The following MYO16 variants were observed in gnomAD, a reference collection of about 807,000 sequenced individuals.
MYO16 encodes the protein unconventional myosin-XVI.
A neutral mutation model predicts 205.3 loss-of-function variants in MYO16; 94 were observed. The observed-to-expected ratio is 0.46, with a 90% CI of 0.39 to 0.54. MYO16 has a LOEUF of 0.54. Among genes scored for constraint, MYO16 ranks in the 20% least tolerant of loss-of-function variants. MYO16 has a pLI of 0.00. For missense variants in MYO16, 2,315 were observed against 2,387.5 expected, an observed-to-expected ratio of 0.97 and a Z score of 0.63; for synonymous variants, 988 against 954.0, an observed-to-expected ratio of 1.04 and a Z score of -0.66.
chr13:108,605,854 G>T (rs1878938688), intron 1 of MYO16, among the ~76,000 whole-genome samples: 1 of 152,196 alleles, frequency 6.6e-6, no homozygotes, highest in Admixed American at 6.5e-5. Flanking sequence ...GGTTGAAACA[G>T]TTGTGAGGGC....
chr13:109,088,252 G>C (rs1040979657), intron 27 of MYO16, among the ~76,000 whole-genome samples: 2 of 152,200 alleles, frequency 1.3e-5, no homozygotes, highest in African/African-American at 2.4e-5. Context: ...GGGCTGTATG[G>C]GAAGCAAGTA....
intron 1 of MYO16, among the ~76,000 whole-genome samples, chr13:108,621,771 A>G (rs1215098853): frequency 6.6e-6 from 1 of 152,098 alleles, no homozygotes; most frequent in Non-Finnish European, 1.5e-5. Flanking sequence ...ATCTCACATC[A>G]TCACAAGAAG....
At chr13:108,675,466 A>G (rs1434626860) in intron 2 of MYO16, among the ~76,000 whole-genome samples, 2 of 152,244 alleles carry the variant, frequency 1.3e-5, no homozygotes, top group African/African-American at 2.4e-5. Flanking sequence ...GTATGGCTTA[A>G]TATTTCATGA....
the MYO16 span, among the ~76,000 whole-genome samples, chr13:108,526,004 G>A: frequency 1.3e-5 from 2 of 150,514 alleles, no homozygotes; most frequent in African/African-American, 4.9e-5. Context: ...GCTGGTGAAT[G>A]CAGAATTAAT....
At chr13:108,559,474 T>TTC in the MYO16 span, among the ~76,000 whole-genome samples, 1 of 131,772 alleles carries the variant, frequency 7.6e-6, no homozygotes, top group Non-Finnish European at 1.6e-5. Flanking sequence ...TCTTTTCTTT[T>TTC]TTTTTTTTTT....
At chr13:108,708,294 C>A (rs1883591729) in intron 2 of MYO16, among the ~76,000 whole-genome samples, 1 of 152,152 alleles carries the variant, frequency 6.6e-6, no homozygotes, top group Admixed American at 6.5e-5. Flanking sequence ...AGATAAGATA[C>A]AATTTTCAAA....
intron 6 of MYO16, among the ~76,000 whole-genome samples, chr13:108,797,350 A>G (rs1254492378): frequency 1.3e-5 from 2 of 152,232 alleles, no homozygotes; most frequent in African/African-American, 4.8e-5. Flanking sequence ...TGATGTTGAA[A>G]GCTTTGATAC....
chr13:108,882,263 G>A (rs775702154), intron 12 of MYO16, among the ~76,000 whole-genome samples: 6 of 152,138 alleles, frequency 3.9e-5, no homozygotes, highest in South Asian at 2.1e-4. Context: ...AAGAGACCTC[G>A]TTCAGGATTT....
chr13:108,634,567 C>T (rs972497950), intron 1 of MYO16, among the ~76,000 whole-genome samples: 1 of 152,192 alleles, frequency 6.6e-6, no homozygotes, highest in Non-Finnish European at 1.5e-5. Flanking sequence ...ATGCCCGTGG[C>T]CTTCGACCCT....
At chr13:108,603,881 A>G (rs1372883906) in intron 1 of MYO16, among the ~76,000 whole-genome samples, 1 of 152,192 alleles carries the variant, frequency 6.6e-6, no homozygotes, top group Non-Finnish European at 1.5e-5. Flanking sequence ...CAATAAATAT[A>G]TTGAGTGCCT....
chr13:109,080,214 GATA>G (rs1486610038), intron 27 of MYO16, among the ~76,000 whole-genome samples: 5 of 152,030 alleles, frequency 3.3e-5, no homozygotes, highest in African/African-American at 1.2e-4. Context: ...TGATAATGTG[GATA>G]ATATTTTTCT....
intron 1 of MYO16, among the ~76,000 whole-genome samples, chr13:108,658,585 G>C (rs1881349065): frequency 6.6e-6 from 1 of 152,094 alleles, no homozygotes; most frequent in Admixed American, 6.6e-5. Context: ...AATTGTGATG[G>C]ATCTCCTTTC....
chr13:108,991,464 A>G (rs769201925), intron 20 of MYO16, among the ~76,000 whole-genome samples: 5 of 152,250 alleles, frequency 3.3e-5, no homozygotes, highest in Non-Finnish European at 7.3e-5. Context: ...GAACTTTTAA[A>G]GTGACTAAAT....
intron 17 of MYO16, among the ~76,000 whole-genome samples, chr13:108,958,606 G>T (rs1883469949): frequency 6.6e-6 from 1 of 152,182 alleles, no homozygotes; most frequent in South Asian, 2.1e-4. Flanking sequence ...CTGGATGCTT[G>T]AAGTGTGGCT....
At chr13:109,099,753 C>T (rs1594085209) in intron 27 of MYO16, among the ~76,000 whole-genome samples, 2 of 152,174 alleles carry the variant, frequency 1.3e-5, no homozygotes, top group Admixed American at 1.3e-4. Flanking sequence ...GTCCATGAGA[C>T]ATGTCCCATA....
intron 6 of MYO16, among the ~76,000 whole-genome samples, chr13:108,801,641 G>A (rs1242167805): frequency 6.6e-6 from 1 of 152,120 alleles, no homozygotes; most frequent in Non-Finnish European, 1.5e-5. Context: ...TGATGAAGAG[G>A]CCAGATAGAC....
At chr13:108,556,145 T>C in the MYO16 span, among the ~76,000 whole-genome samples, 3 of 152,208 alleles carry the variant, frequency 2.0e-5, no homozygotes, top group Non-Finnish European at 4.4e-5. Context: ...TTATTTCCTT[T>C]GGATATATAT....
intron 32 of MYO16, among the ~76,000 whole-genome samples, chr13:109,158,449 T>G (rs1878186526): frequency 6.6e-6 from 1 of 152,212 alleles, no homozygotes; most frequent in African/African-American, 2.4e-5. Flanking sequence ...TGATGTTAAC[T>G]TATTCATACC....
Position 108,608,871 on chromosome 13 carries a change from C to T in MYO16, c.-39+12632C>T, listed in dbSNP as rs144771722. 4.2e-3 allele frequency among the ~76,000 whole-genome samples: 637 copies of T among 152,182 alleles called. 5 individuals carry two copies. Among genetic ancestry groups the T allele is most frequent in the African/African-American group, 0.014 (582 of 41,538 alleles). On this transcript the variant is annotated intron_variant, in intron 1 of 24. Coordinates refer to the MYO16 transcript ENST00000251041. ...GTTGGCCAGGTTGGTCCCAAACACC[C>T]GACCTCAGGGGATCCACCTGCCTCA...
Sources: allele counts gnomAD v4.1 joint callset (sites outside exome capture counted in the v4.1 genomes callset), GRCh38; gene constraint gnomAD v4.1.1; transcripts MANE v1.5; gene names NCBI Gene and HGNC (gene_info 2026-07-23, HGNC 2026-07-21).